CFAP44: variants seen among roughly 807,000 people sequenced by gnomAD.
CFAP44 encodes the protein cilia- and flagella-associated protein 44.
In CFAP44, 134 loss-of-function variants were observed where a neutral mutation model predicts 216.2. The ratio of observed to expected loss-of-function variants is 0.62; its 90% CI spans 0.54 to 0.72. The LOEUF (loss-of-function observed/expected upper bound fraction) is 0.72, where lower values mean the gene tolerates loss of function less well. Among genes scored for constraint, CFAP44 ranks in the 30% least tolerant of loss-of-function variants. CFAP44 has a pLI of 0.00. For missense variants in CFAP44, 2,035 were observed against 2,182.1 expected, an observed-to-expected ratio of 0.93 and a Z score of 1.34; for synonymous variants, 700 against 727.6, an observed-to-expected ratio of 0.96 and a Z score of 0.61.
chr3:113,408,959 T>C, intron 7 of CFAP44, 147 bp downstream of exon 7: 1 of 555,550 alleles, frequency 1.8e-6, no homozygotes, highest in South Asian at 3.6e-5. Flanking sequence ...ACTAGTTAGC[T>C]TTTAAAATAA....
intron 4 of CFAP44, among the ~76,000 whole-genome samples, chr3:113,420,854 T>C (rs1183715592): frequency 6.6e-6 from 1 of 152,212 alleles, no homozygotes; most frequent in Admixed American, 6.5e-5. Flanking sequence ...CATATAAATA[T>C]ATATGTAATT....
Position 113,366,120 on chromosome 3 carries a change from T to C in CFAP44, c.2634A>G (p.Ala878=). The change falls in exon 19 of 35, where the codon GCA becomes GCG. Residue 878 remains alanine (A), a synonymous_variant. Transcript: ENST00000393845. ...TGTTGAAAACAAAGATATTGCCATC[T>C]GCTCCAGCAGTCACCAAGAAACGAT... is the stretch of plus-strand genomic sequence containing the variant. The part of the protein sequence containing the change: ...FDDRFLVTAG[A]DGNIFVFNIF... 6.2e-7 allele frequency: 1 copy of C among 1,614,066 alleles called. No individual in the cohort carries two copies. The highest frequency in any genetic ancestry group is 1.3e-5 in the African/African-American group (1 of 75,072).
At chr3:113,396,749 G>A (rs1406208075) in intron 13 of CFAP44, 22 bp from the exon 14 acceptor site, 7 of 1,607,410 alleles carry the variant, frequency 4.4e-6, no homozygotes, top group Non-Finnish European at 6.0e-6. Context: ...TTAAAGATAA[G>A]GGACCTGAAA....
intron 15 of CFAP44, among the ~76,000 whole-genome samples, chr3:113,390,668 C>T (rs753423405): frequency 6.6e-6 from 1 of 151,948 alleles, no homozygotes; most frequent in Non-Finnish European, 1.5e-5. Context: ...AAAATCAACA[C>T]ACAAAAATCA....
chr3:113,406,849 G>T, intron 8 of CFAP44, 78 bp downstream of exon 8: 2 of 944,862 alleles, frequency 2.1e-6, no homozygotes. Context: ...GAGCTTGTTA[G>T]AATTTTCATA....
In CFAP44 at chr3:113,291,631, G is replaced by T; in HGVS notation, c.5491C>A (p.Arg1831Ser). The T allele has an allele frequency of 1.3e-6, 2 of 1,537,218 alleles. No individual in the cohort carries two copies. Among genetic ancestry groups the T allele is most frequent in the Non-Finnish European group, 1.7e-6 (2 of 1,146,910 alleles). The change falls in exon 35 of 35, where the codon CGT (arginine) becomes AGT (serine). Residue 1831 changes from arginine (R) to serine (S), a missense_variant. Transcript: ENST00000393845. ...SALKEEIALL[R>S]RKGSLILPPI... ...GGGAGGATAAGACTGCCTTTCCTAC[G>T]CAAAAGAGCAATCTCCTCCTTTAAG...
chr3:113,381,114 G>T, intron 15 of CFAP44, 54 bp from the exon 16 acceptor site: 6 of 1,270,916 alleles, frequency 4.7e-6, no homozygotes, highest in Non-Finnish European at 6.4e-6. Context: ...TAAAAGCATA[G>T]TTTAAAGAGA....
At chr3:113,346,737 C>T (rs146144072) in intron 22 of CFAP44, among the ~76,000 whole-genome samples, 59 of 152,306 alleles carry the variant, frequency 3.9e-4, no homozygotes, top group African/African-American at 1.3e-3. Context: ...TAAAATGGAC[C>T]AATCAGCACT....
Position 113,289,286 on chromosome 3 carries a change from T to C in CFAP44, c.*2271A>G, listed in dbSNP as rs1409555734. 2 of 152,242 alleles carry C rather than the reference T, an allele frequency of 1.3e-5. No individual in the cohort carries two copies. The highest frequency in any genetic ancestry group is 2.9e-5 in the Non-Finnish European group (2 of 68,046). 9.4% of individuals were successfully genotyped at this position (152,242 alleles called of 1,614,324 possible). On this transcript the variant is annotated 3_prime_UTR_variant, in exon 35 of 35. Transcript: ENST00000393845. ...AACATGCGGAATGAAGCCCTGAATA[T>C]TGTAGAATTAACTAGTGATTTAGTC...
intron 28 of CFAP44, among the ~76,000 whole-genome samples, chr3:113,314,087 T>C (rs1232898477): frequency 6.6e-6 from 1 of 152,170 alleles, no homozygotes; most frequent in East Asian, 1.9e-4. Context: ...TAATGAAAGA[T>C]CTAATATTTA....
intron 24 of CFAP44, among the ~76,000 whole-genome samples, chr3:113,339,827 C>A (rs1291249142): frequency 6.6e-6 from 1 of 152,150 alleles, no homozygotes; most frequent in Non-Finnish European, 1.5e-5. Flanking sequence ...AGAAACAGAG[C>A]TAGGGGGAGC....
chr3:113,388,806 C>T (rs559854483), intron 15 of CFAP44, among the ~76,000 whole-genome samples: 1 of 152,188 alleles, frequency 6.6e-6, no homozygotes, highest in South Asian at 2.1e-4. Flanking sequence ...ATAAAGAGGT[C>T]AATTCAGTAA....
At chr3:113,326,886 A>T (rs1265332513) in intron 27 of CFAP44, among the ~76,000 whole-genome samples, 2 of 152,118 alleles carry the variant, frequency 1.3e-5, no homozygotes, top group Non-Finnish European at 2.9e-5. Flanking sequence ...TCCCCCCAAA[A>T]TCTAAATTAA....
At chr3:113,409,006 C>CAAAAAAAAA (rs56301009) in intron 7 of CFAP44, 100 bp downstream of exon 7, 126 of 319,332 alleles carry the variant, frequency 3.9e-4, no homozygotes, top group African/African-American at 9.4e-4. Context: ...ACCAAAACAG[C>CAAAAAAAAA]AAAAAAAAAA....
At chr3:113,401,358 T>C (rs1277576547) in intron 10 of CFAP44, 71 bp from the exon 11 acceptor site, 105 of 1,411,542 alleles carry the variant, frequency 7.4e-5, no homozygotes, top group Non-Finnish European at 9.8e-5. Context: ...GTTCTTTCTA[T>C]GTTTTATTAA....
At chr3:113,374,056 G>A (rs1333475722) in intron 17 of CFAP44, among the ~76,000 whole-genome samples, 2 of 152,036 alleles carry the variant, frequency 1.3e-5, no homozygotes, top group African/African-American at 4.8e-5. Flanking sequence ...TTATTACTGA[G>A]ATTCCTTATT....
chr3:113,313,678 G>C (rs1188577992), intron 28 of CFAP44, among the ~76,000 whole-genome samples: 3 of 152,128 alleles, frequency 2.0e-5, no homozygotes, highest in African/African-American at 7.2e-5. Context: ...CCCCCATACT[G>C]TTCTCATGGC....
In CFAP44 at chr3:113,396,643, T is replaced by A; in HGVS notation, c.1654A>T (p.Thr552Ser). 1 of 1,614,140 alleles carries A rather than the reference T, an allele frequency of 6.2e-7. No individual in the cohort carries two copies. The part of the protein sequence containing the change: ...ILELYDPKGL[T>S]IFAGRKKILD... Reference sequence around the variant, plus strand: ...ATTTTCTTCCGTCCCGCAAAAATCGTGAGCCCTTTTGGATCATAAAGTTCA... The same window carrying A: ...ATTTTCTTCCGTCCCGCAAAAATCGAGAGCCCTTTTGGATCATAAAGTTCA... The change falls in exon 14 of 35, where the codon ACG becomes TCG. Residue 552 changes from threonine to serine, a missense_variant. By Grantham distance (58) the Thr-to-Ser change is moderately conservative (BLOSUM62 1). Around this residue, in one of 3 missense-constraint regions of CFAP44, gnomAD observed 1,883 missense variants for 2,023.7 expected, o/e 0.93. Coordinates refer to ENST00000393845, the MANE Select transcript of CFAP44 (RefSeq NM_001164496.2).
At chr3:113,419,716 TTCTAA>T (rs1266856851) in intron 5 of CFAP44, among the ~76,000 whole-genome samples, 1 of 152,206 alleles carries the variant, frequency 6.6e-6, no homozygotes, top group African/African-American at 2.4e-5. Context: ...TCATCTCCAC[TTCTAA>T]TCTAAATATG....
Sources: allele counts gnomAD v4.1 joint callset (sites outside exome capture counted in the v4.1 genomes callset), GRCh38; gene constraint gnomAD v4.1.1; regional missense constraint gnomAD v4.1.1; transcripts MANE v1.5; gene names NCBI Gene and HGNC (gene_info 2026-07-23, HGNC 2026-07-21).